NCKAP5: variants seen among roughly 807,000 people sequenced by gnomAD.
The protein encoded by NCKAP5 is NCK associated protein 5, also known as nck-associated protein 5.
A neutral mutation model predicts 167.0 loss-of-function variants in NCKAP5; 92 were observed. The observed-to-expected ratio is 0.55, with a 90% CI of 0.47 to 0.66. The LOEUF (loss-of-function observed/expected upper bound fraction) is 0.66. Ranked by LOEUF, NCKAP5 falls within the 30% of genes least tolerant of loss-of-function variation. The pLI is 0.00. For missense variants in NCKAP5, 2,378 were observed against 2,315.0 expected (o/e 1.03, Z -0.56); for synonymous variants, 891 against 877.4 (o/e 1.02, Z -0.27).
At chr2:133,397,871 T>A (rs903071501) in intron 3 of NCKAP5, among the ~76,000 whole-genome samples, 1 of 152,174 alleles carries the variant, frequency 6.6e-6, no homozygotes, top group African/African-American at 2.4e-5. Flanking sequence ...CCCAAGAGAT[T>A]CTCAGGCAAG....
intron 3 of NCKAP5, among the ~76,000 whole-genome samples, chr2:133,415,546 C>T (rs1270179225): frequency 6.6e-6 from 1 of 152,192 alleles, no homozygotes; most frequent in East Asian, 1.9e-4. Flanking sequence ...GACCATACTC[C>T]CTTAGATAAT....
At chr2:132,877,579 C>T (rs945655990) in intron 9 of NCKAP5, among the ~76,000 whole-genome samples, 13 of 152,232 alleles carry the variant, frequency 8.5e-5, no homozygotes, top group East Asian at 3.9e-4. Flanking sequence ...GGGAGGCTGA[C>T]GCTGCTGGTC....
chr2:133,198,078 G>C (rs2085516517), intron 5 of NCKAP5, among the ~76,000 whole-genome samples: 1 of 152,126 alleles, frequency 6.6e-6, no homozygotes, highest in Admixed American at 6.6e-5. Context: ...ACTGGATTGA[G>C]AATACCAGAA....
intron 7 of NCKAP5, among the ~76,000 whole-genome samples, chr2:132,970,107 C>T (rs1321979953): frequency 6.6e-6 from 1 of 152,118 alleles, no homozygotes; most frequent in East Asian, 1.9e-4. Flanking sequence ...CACAGATCAC[C>T]ATAGTCCATT....
chr2:133,191,757 G>A (rs1046747188), intron 5 of NCKAP5, among the ~76,000 whole-genome samples: 1 of 152,016 alleles, frequency 6.6e-6, no homozygotes, highest in African/African-American at 2.4e-5. Flanking sequence ...ATCACACACC[G>A]GGGCCTGTCA....
chr2:133,333,366 C>G (rs915429616), intron 3 of NCKAP5, among the ~76,000 whole-genome samples: 1 of 152,108 alleles, frequency 6.6e-6, no homozygotes, highest in African/African-American at 2.4e-5. Context: ...GGAAAGGCTA[C>G]GGAGTCACTG....
At chr2:133,297,907 A>C (rs1680080811) in intron 4 of NCKAP5, among the ~76,000 whole-genome samples, 1 of 152,214 alleles carries the variant, frequency 6.6e-6, no homozygotes, top group Non-Finnish European at 1.5e-5. Context: ...GAAGGAGCCT[A>C]TACTGATTTA....
At chr2:133,022,570 C>T (rs2078563992) in intron 6 of NCKAP5, among the ~76,000 whole-genome samples, 1 of 152,182 alleles carries the variant, frequency 6.6e-6, no homozygotes, top group African/African-American at 2.4e-5. Context: ...TGACTCATCA[C>T]AGAGAAAACC....
At chr2:133,304,686 A>G (rs1241403649) in intron 3 of NCKAP5, among the ~76,000 whole-genome samples, 1 of 152,244 alleles carries the variant, frequency 6.6e-6, no homozygotes, top group Non-Finnish European at 1.5e-5. Flanking sequence ...TACAGATCTT[A>G]AAGTTATTCA....
intron 3 of NCKAP5, among the ~76,000 whole-genome samples, chr2:133,513,316 G>C (rs1683659075): frequency 3.9e-5 from 6 of 152,220 alleles, no homozygotes. Flanking sequence ...AGGCAAAGGT[G>C]CCCAGTTCCT....
intron 17 of NCKAP5, among the ~76,000 whole-genome samples, chr2:132,730,130 C>T (rs1690848241): frequency 6.6e-6 from 1 of 152,142 alleles, no homozygotes; most frequent in Non-Finnish European, 1.5e-5. Flanking sequence ...ACAAAAATTT[C>T]CTGCAGTGTG....
intron 16 of NCKAP5, among the ~76,000 whole-genome samples, chr2:132,744,532 A>C (rs72989510): frequency 3.5e-4 from 53 of 151,834 alleles, no homozygotes; most frequent in African/African-American, 1.3e-3. Flanking sequence ...ACAGGCTTAA[A>C]ATAAGTGCTC....
Position 132,784,133 on chromosome 2 carries a change from G to A in NCKAP5, c.2678C>T (p.Pro893Leu). 2 of 1,524,556 alleles carry A rather than the reference G, an allele frequency of 1.3e-6. No individual in the cohort carries two copies. Among genetic ancestry groups the A allele is most frequent in the Non-Finnish European group, 1.8e-6 (2 of 1,138,770 alleles). 94.4% of individuals were successfully genotyped at this position (1,524,556 alleles called of 1,614,324 possible). A position where few individuals can be genotyped will look rare whatever the true frequency, so the allele number is the denominator to read the frequency against. Residue 893 changes from proline (P) to leucine (L), a missense_variant, in exon 14 of 20, where the codon CCA (proline) becomes CTA (leucine). Pro to Leu is a moderately conservative substitution (Grantham distance 98). Coordinates refer to ENST00000409261, the MANE Select transcript of NCKAP5 (RefSeq NM_207363.3). Reference sequence around the variant, plus strand: ...AATGGCAGGCCTTGACCGTGACCCTGGAGTCTGACTCTTGGGGCACTGGAC... The same window carrying A: ...AATGGCAGGCCTTGACCGTGACCCTAGAGTCTGACTCTTGGGGCACTGGAC... ...DWVQCPKSQT[P>L]GSRSRPAIES...
intron 7 of NCKAP5, among the ~76,000 whole-genome samples, chr2:132,986,153 C>T (rs573844752): frequency 5.9e-5 from 9 of 152,222 alleles, no homozygotes; most frequent in East Asian, 1.9e-4. Flanking sequence ...CACTTATCTT[C>T]GCTGATTAAC....
At chr2:133,144,667 G>A (rs2083120716) in intron 5 of NCKAP5, among the ~76,000 whole-genome samples, 1 of 152,140 alleles carries the variant, frequency 6.6e-6, no homozygotes, top group Non-Finnish European at 1.5e-5. Flanking sequence ...TTGTCAGTGT[G>A]CTAGAAACAA....
chr2:133,347,759 C>T (rs1264581113), intron 3 of NCKAP5, among the ~76,000 whole-genome samples: 1 of 152,072 alleles, frequency 6.6e-6, no homozygotes, highest in East Asian at 1.9e-4. Context: ...GGAGAATTCA[C>T]CAATTCTTAG....
the NCKAP5 span, among the ~76,000 whole-genome samples, chr2:133,609,732 A>C: frequency 2.0e-5 from 3 of 152,086 alleles, no homozygotes; most frequent in African/African-American, 7.2e-5. Flanking sequence ...TGAGTTTTAT[A>C]CCCCAAAGCT....
At chr2:133,358,781 T>C (rs539441826) in intron 3 of NCKAP5, among the ~76,000 whole-genome samples, 66 of 152,350 alleles carry the variant, frequency 4.3e-4, no homozygotes, top group African/African-American at 1.6e-3. Flanking sequence ...AAAAGCCATA[T>C]GGCTAACACT....
intron 6 of NCKAP5, among the ~76,000 whole-genome samples, chr2:133,112,301 C>T (rs866191902): frequency 2.0e-4 from 31 of 152,144 alleles, no homozygotes; most frequent in Middle Eastern, 3.4e-3. Flanking sequence ...GGTGAAACCC[C>T]GTCTCTACTA....
Sources: allele counts gnomAD v4.1 joint callset (sites outside exome capture counted in the v4.1 genomes callset), GRCh38; gene constraint gnomAD v4.1.1; transcripts MANE v1.5; gene names NCBI Gene and HGNC (gene_info 2026-07-23, HGNC 2026-07-21).